RGS18: variants seen among roughly 807,000 people sequenced by gnomAD.
RGS18 encodes regulator of G protein signaling 18.
A neutral mutation model predicts 27.6 loss-of-function variants in RGS18; 22 were observed. The ratio of observed to expected loss-of-function variants is 0.80; its 90% CI spans 0.57 to 1.14. The LOEUF is 1.14. RGS18 is among the 50% of genes most tolerant of loss of function. The probability of loss-of-function intolerance (pLI) is 0.00; values close to 1 mark genes in which losing one functional copy is unlikely to be tolerated. For missense variants in RGS18, 299 were observed against 269.6 expected (o/e 1.11, Z -0.76); for synonymous variants, 89 against 84.6 (o/e 1.05, Z -0.29).
chr1:192,161,052 G>A (rs1032065211), intron 3 of RGS18, among the ~76,000 whole-genome samples: 7 of 152,028 alleles, frequency 4.6e-5, no homozygotes, highest in Admixed American at 6.6e-5. Flanking sequence ...GGGTTTCACC[G>A]TGTTAGCCAG....
chr1:192,168,331 C>A lies in RGS18; in HGVS notation c.283+7892C>A, dbSNP rs542554071. 14 of 152,218 alleles carry A rather than the reference C, an allele frequency of 9.2e-5. No homozygotes were observed. In the South Asian group the frequency reaches 2.9e-3, roughly 32 times the overall value. 9.4% of individuals were successfully genotyped at this position (152,218 alleles called of 1,614,324 possible). On this transcript the variant is annotated intron_variant, in intron 3 of 4. Transcript: ENST00000367460. ...TTTCTCATTCATCCTTTATTCATTT[C>A]TTGAATTAGTATTTTTGCTTTACTA...
intron 3 of RGS18, among the ~76,000 whole-genome samples, chr1:192,165,218 C>A (rs1656144518): frequency 1.3e-5 from 2 of 152,132 alleles, no homozygotes; most frequent in Non-Finnish European, 2.9e-5. Context: ...TCCTGCAGCA[C>A]CCCCAGGCTT....
chr1:192,163,763 TTAAAA>T (rs1239424471), intron 3 of RGS18: 1 of 151,818 alleles, frequency 6.6e-6, no homozygotes, highest in East Asian at 1.9e-4. Flanking sequence ...ATTGTCAAAC[TTAAAA>T]TAATCACCTA....
At chr1:192,172,569 C>T (rs1437449729) in intron 3 of RGS18, among the ~76,000 whole-genome samples, 1 of 151,916 alleles carries the variant, frequency 6.6e-6, no homozygotes, top group East Asian at 1.9e-4. Context: ...AAGACACCCA[C>T]CTTCCAGAAT....
chr1:192,164,912 T>G (rs944606754), intron 3 of RGS18, among the ~76,000 whole-genome samples: 1 of 152,188 alleles, frequency 6.6e-6, no homozygotes, highest in African/African-American at 2.4e-5. Flanking sequence ...AAAGCATGTG[T>G]GTTTGAACGA....
intron 4 of RGS18, 30 bp from the exon 5 acceptor site, chr1:192,184,267 T>C: frequency 6.3e-7 from 1 of 1,593,244 alleles, no homozygotes; most frequent in Non-Finnish European, 8.6e-7. Flanking sequence ...GCATATTAAC[T>C]ATAATCACAC....
intron 3 of RGS18, among the ~76,000 whole-genome samples, chr1:192,163,022 G>A (rs1267767853): frequency 2.6e-5 from 4 of 152,048 alleles, no homozygotes; most frequent in African/African-American, 4.8e-5. Flanking sequence ...AGTGAAATTC[G>A]AGTTTTAGTT....
At position 192,160,442 on chromosome 1, in the gene RGS18, T is replaced by C. The variant is rs985319972; in HGVS notation, c.283+3T>C. 2 of 1,602,368 alleles carry C rather than the reference T, an allele frequency of 1.2e-6. No homozygotes were observed. Among genetic ancestry groups the C allele is most frequent in the Non-Finnish European group, 1.7e-6 (2 of 1,169,588 alleles). ...TGACAAACTGCTTTCCCATAGAGGT[T>C]AGTGGTACTTTCACCAAATACTTTG... On this transcript the variant is annotated splice_donor_region_variant and intron_variant, in intron 3 of 4. Transcript: ENST00000367460.
At chr1:192,161,466 A>G (rs1264640690) in intron 3 of RGS18, 1 of 152,184 alleles carries the variant, frequency 6.6e-6, no homozygotes, top group African/African-American at 2.4e-5. Context: ...GAAAGACTCA[A>G]CTGAGCAGGT....
At chr1:192,179,785 G>T (rs535405452) in intron 3 of RGS18, among the ~76,000 whole-genome samples, 1 of 151,470 alleles carries the variant, frequency 6.6e-6, no homozygotes, top group African/African-American at 2.4e-5. Flanking sequence ...CAGATTAGTG[G>T]TTCCCTGGAG....
intron 3 of RGS18, among the ~76,000 whole-genome samples, chr1:192,171,430 T>C (rs1656253593): frequency 6.6e-6 from 1 of 152,110 alleles, no homozygotes; most frequent in South Asian, 2.1e-4. Context: ...TTGTCAGTTT[T>C]ACAATGCCTT....
intron 3 of RGS18, among the ~76,000 whole-genome samples, chr1:192,173,404 T>C (rs1193475606): frequency 6.6e-6 from 1 of 151,980 alleles, no homozygotes; most frequent in Non-Finnish European, 1.5e-5. Context: ...TAGTCTTTAC[T>C]TGTTTTTTTT....
chr1:192,180,968 C>T (rs1024697381), intron 3 of RGS18, among the ~76,000 whole-genome samples: 2 of 151,632 alleles, frequency 1.3e-5, no homozygotes, highest in African/African-American at 4.8e-5. Context: ...GGAATCACCC[C>T]TCACACTCTG....
At chr1:192,171,006 G>A (rs768017219) in intron 3 of RGS18, among the ~76,000 whole-genome samples, 3 of 152,112 alleles carry the variant, frequency 2.0e-5, no homozygotes, top group Non-Finnish European at 4.4e-5. Flanking sequence ...ATCCCTATGG[G>A]TGCTTATGTG....
chr1:192,181,601 GACAT>G lies in RGS18; in HGVS notation c.450+147_450+150del, dbSNP rs1656457708. On this transcript the variant is annotated intron_variant, in intron 4 of 4. Coordinates refer to ENST00000367460, the MANE Select transcript of RGS18 (RefSeq NM_130782.3). ...ACATGTAATAATTACACATGTTAAT[GACAT>G]ACAGTGTGATGTTTTAATATATGTA... is the stretch of plus-strand genomic sequence containing the variant. 8 of 538,342 alleles carry G rather than the reference GACAT, an allele frequency of 1.5e-5. No individual in the cohort carries two copies. The East Asian group carries it at 2.9e-4, about 19-fold the overall frequency. The allele number at this position is 538,342 out of a possible 1,614,324, so 33.3% of individuals were successfully genotyped here. A position where few individuals can be genotyped will look rare whatever the true frequency, so the allele number is the denominator to read the frequency against.
At chr1:192,173,819 G>A (rs114376181) in intron 3 of RGS18, among the ~76,000 whole-genome samples, 2,756 of 151,730 alleles carry the variant, frequency 0.018, 87 homozygotes, top group African/African-American at 0.062. Context: ...ACTCTTGCTA[G>A]GGGTTTTATT....
At chr1:192,159,131 T>C (rs1656025439) in intron 1 of RGS18, 89 bp from the exon 2 acceptor site, 3 of 859,780 alleles carry the variant, frequency 3.5e-6, no homozygotes, top group African/African-American at 1.7e-5. Context: ...GGCGTGGGTT[T>C]TTACCAACTA....
At chr1:192,165,205 G>C (rs1007277468) in intron 3 of RGS18, among the ~76,000 whole-genome samples, 1 of 152,138 alleles carries the variant, frequency 6.6e-6, no homozygotes, top group Non-Finnish European at 1.5e-5. Flanking sequence ...ACATGCCCTG[G>C]TCTCCTGCAG....
chr1:192,169,730 A>C (rs940476069), intron 3 of RGS18: 2 of 152,166 alleles, frequency 1.3e-5, no homozygotes, highest in African/African-American at 2.4e-5. Context: ...TCTAGCCAAG[A>C]AATTCTCTTC....
Sources: allele counts gnomAD v4.1 joint callset (sites outside exome capture counted in the v4.1 genomes callset), GRCh38; gene constraint gnomAD v4.1.1; transcripts MANE v1.5; gene names NCBI Gene and HGNC (gene_info 2026-07-23, HGNC 2026-07-21).